SEMA3D: variants seen among roughly 807,000 people sequenced by gnomAD.
SEMA3D encodes the protein semaphorin-3D.
Under a neutral mutation model 100.1 loss-of-function variants are expected in SEMA3D, and 84 were observed. The observed-to-expected ratio is 0.84, with a 90% CI of 0.70 to 1.01. The LOEUF (loss-of-function observed/expected upper bound fraction) is 1.01, where lower values mean the gene tolerates loss of function less well. SEMA3D is among the 50% of genes least tolerant of loss of function. The probability of loss-of-function intolerance (pLI) is 0.00; values close to 1 mark genes in which losing one functional copy is unlikely to be tolerated. For synonymous variants in SEMA3D, 312 were observed against 320.7 expected (o/e 0.97, Z 0.29); for missense variants, 875 against 934.1 (o/e 0.94, Z 0.82).
Position 85,089,216 on chromosome 7 carries a change from C to CT in SEMA3D, c.313-7638dup, listed in dbSNP as rs528202421. On this transcript the variant is annotated intron_variant, in intron 4 of 18. Transcript: ENST00000284136. ...AAACTTGCAGTAAACATTTCTTGAG[C>CT]TTTTTTGTGTATGCCAGCTAATGCT... is the stretch of plus-strand genomic sequence containing the variant. Among the ~76,000 whole-genome samples, 283 of 152,190 alleles carry CT rather than the reference C, an allele frequency of 1.9e-3. 1 individual carries two copies. Among genetic ancestry groups the CT allele is most frequent in the African/African-American group, 6.6e-3 (275 of 41,532 alleles).
the SEMA3D span, among the ~76,000 whole-genome samples, chr7:85,200,557 G>A: frequency 1.1e-3 from 161 of 152,294 alleles, no homozygotes; most frequent in East Asian, 2.1e-3. Flanking sequence ...TGCTGTTAAA[G>A]ACATTCAGTT....
At chr7:85,213,503 GATTA>G in the SEMA3D span, among the ~76,000 whole-genome samples, 2 of 151,930 alleles carry the variant, frequency 1.3e-5, no homozygotes, top group Non-Finnish European at 2.9e-5. Flanking sequence ...GTTATTGATT[GATTA>G]CTTACTTGTT....
In SEMA3D at chr7:85,100,194, C is replaced by G. The variant is rs914311047; in HGVS notation, c.152-2229G>C. 1.4e-4 allele frequency among the ~76,000 whole-genome samples: 21 copies of G among 152,044 alleles called. 1 individual carries two copies. The highest frequency in any genetic ancestry group is 3.4e-3 in the Middle Eastern group (1 of 294). ...CCTTGAAATTAAATTAATGCAAATG[C>G]ATAGTTATACAAATGAAGCTCTTTA... On this transcript the variant is annotated intron_variant, in intron 3 of 18. Coordinates refer to ENST00000284136, the MANE Select transcript of SEMA3D (RefSeq NM_001384900.1).
At position 84,997,384 on chromosome 7, in the gene SEMA3D, A is replaced by C. The variant is rs892473775; in HGVS notation, c.*2056T>G. 2.0e-5 allele frequency: 3 copies of C among 152,082 alleles called. No individual in the cohort carries two copies. The highest frequency in any genetic ancestry group is 7.2e-5 in the African/African-American group (3 of 41,426). 9.4% of individuals were successfully genotyped at this position (152,082 alleles called of 1,614,324 possible). On this transcript the variant is annotated 3_prime_UTR_variant, in exon 19 of 19. Coordinates refer to ENST00000284136, the MANE Select transcript of SEMA3D (RefSeq NM_001384900.1). ...AGTTCCTGGAATATTTTGTCCAAGC[A>C]AATCTATAATTACAAACACTGTTGT...
At chr7:85,025,538 T>A (rs1338907127) in intron 12 of SEMA3D, among the ~76,000 whole-genome samples, 11 of 152,102 alleles carry the variant, frequency 7.2e-5, no homozygotes, top group African/African-American at 2.2e-4. Flanking sequence ...GAGAGAACTT[T>A]TCCCCTTGGC....
At chr7:85,119,077 T>C (rs1243446256) in intron 3 of SEMA3D, among the ~76,000 whole-genome samples, 2 of 152,080 alleles carry the variant, frequency 1.3e-5, no homozygotes, top group African/African-American at 2.4e-5. Flanking sequence ...TCTCACACTA[T>C]TCAGTCAGAA....
At chr7:85,206,307 T>C in the SEMA3D span, among the ~76,000 whole-genome samples, 6 of 152,272 alleles carry the variant, frequency 3.9e-5, no homozygotes, top group East Asian at 1.2e-3. Flanking sequence ...TTTCCAAATA[T>C]GTGAACTTAC....
At chr7:85,097,457 T>C (rs1032144383) in intron 4 of SEMA3D, among the ~76,000 whole-genome samples, 39 of 152,028 alleles carry the variant, frequency 2.6e-4, no homozygotes, top group Admixed American at 2.0e-3. Flanking sequence ...TGTTAGGATA[T>C]AAATATTCAT....
the SEMA3D span, among the ~76,000 whole-genome samples, chr7:85,243,001 C>T: frequency 3.3e-5 from 5 of 152,008 alleles, no homozygotes; most frequent in African/African-American, 7.2e-5. Flanking sequence ...TATAGTTTTA[C>T]GGATAGGTCT....
chr7:85,019,251 T>C (rs2115833732), intron 14 of SEMA3D, among the ~76,000 whole-genome samples: 1 of 151,892 alleles, frequency 6.6e-6, no homozygotes, highest in African/African-American at 2.4e-5. Flanking sequence ...CTAACACCAT[T>C]GAACGAGACT....
rs752533496 is a variant in SEMA3D, at chr7:85,161,913, T to C, written c.-172-8174A>G. 3.3e-4 allele frequency among the ~76,000 whole-genome samples: 50 copies of C among 152,294 alleles called. 1 individual carries two copies. The highest frequency in any genetic ancestry group is 6.8e-3 in the Middle Eastern group (2 of 294). On this transcript the variant is annotated intron_variant, in intron 1 of 18. Transcript: ENST00000284136. ...TTTCTGCATTTTAAGAAACATCTGA[T>C]GCACAATAGAAAACTCTGAAGAAAT...
At chr7:85,150,567 A>G (rs1790352120) in intron 2 of SEMA3D, among the ~76,000 whole-genome samples, 1 of 149,656 alleles carries the variant, frequency 6.7e-6, no homozygotes, top group South Asian at 2.1e-4. Flanking sequence ...AAATAGAATC[A>G]CTTCCCAAAT....
chr7:85,047,117 T>C (rs1791030162), intron 9 of SEMA3D, among the ~76,000 whole-genome samples: 1 of 151,760 alleles, frequency 6.6e-6, no homozygotes, highest in Non-Finnish European at 1.5e-5. Context: ...GTACTTGTTA[T>C]ATGTTTGCAG....
intron 1 of SEMA3D, among the ~76,000 whole-genome samples, chr7:85,185,290 C>A (rs923492679): frequency 5.9e-5 from 9 of 152,188 alleles, no homozygotes; most frequent in African/African-American, 2.2e-4. Flanking sequence ...CCTCTACCTC[C>A]GCCTCAACCC....
chr7:85,065,607 T>A (rs1562803205), intron 7 of SEMA3D, 55 bp from the exon 8 acceptor site: 6 of 1,395,836 alleles, frequency 4.3e-6, no homozygotes, highest in Non-Finnish European at 4.0e-6. Context: ...GTAGATGCTA[T>A]TTAACATGTA....
At chr7:85,098,408 C>A (rs965064075) in intron 3 of SEMA3D, among the ~76,000 whole-genome samples, 1 of 151,682 alleles carries the variant, frequency 6.6e-6, no homozygotes, top group African/African-American at 2.4e-5. Flanking sequence ...TTTAAAGCAT[C>A]TATATATATT....
chr7:85,053,208 T>C (rs1196152779), intron 9 of SEMA3D, among the ~76,000 whole-genome samples: 1 of 152,004 alleles, frequency 6.6e-6, no homozygotes, highest in East Asian at 1.9e-4. Context: ...GACTCTCATG[T>C]TACTAAAAAA....
intron 1 of SEMA3D, among the ~76,000 whole-genome samples, chr7:85,167,940 T>C (rs1247767910): frequency 1.3e-5 from 2 of 151,878 alleles, no homozygotes; most frequent in African/African-American, 2.4e-5. Context: ...AAAATGGTAA[T>C]ACTTTAGATA....
chr7:85,179,975 G>T (rs946229754), intron 1 of SEMA3D, among the ~76,000 whole-genome samples: 1 of 152,136 alleles, frequency 6.6e-6, no homozygotes. Flanking sequence ...TTGGACTTTT[G>T]AGTTAATGCT....
Sources: allele counts gnomAD v4.1 joint callset (sites outside exome capture counted in the v4.1 genomes callset), GRCh38; gene constraint gnomAD v4.1.1; transcripts MANE v1.5; gene names NCBI Gene and HGNC (gene_info 2026-07-23, HGNC 2026-07-21).